Variants in ZNF10 observed in about 807,000 individuals in gnomAD.
ZNF10 encodes the protein zinc finger protein 10.
In ZNF10, 8 loss-of-function variants were observed where a neutral mutation model predicts 12.2. The ratio of observed to expected loss-of-function variants is 0.66; its 90% CI spans 0.39 to 1.18. The LOEUF is 1.18. ZNF10 is among the 50% of genes most tolerant of loss of function. The pLI is 0.01. For synonymous variants in ZNF10, 229 were observed against 228.2 expected, an observed-to-expected ratio of 1.00 and a Z score of -0.03; for missense variants, 603 against 678.9, an observed-to-expected ratio of 0.89 and a Z score of 1.24.
At chr12:133,140,861 C>T (rs1392273372) in intron 1 of ZNF10, among the ~76,000 whole-genome samples, 3 of 152,124 alleles carry the variant, frequency 2.0e-5, no homozygotes, top group African/African-American at 7.2e-5. Flanking sequence ...AATATGGCTT[C>T]TGTAAGAGAG....
intron 4 of ZNF10, 48 bp downstream of exon 4, chr12:133,151,952 T>C (rs1275770121): frequency 6.7e-7 from 1 of 1,489,634 alleles, no homozygotes. Context: ...AGATGGGCTG[T>C]GAGGTGCCAG....
chr12:133,140,146 T>C (rs1346315776), intron 1 of ZNF10, among the ~76,000 whole-genome samples: 1 of 137,874 alleles, frequency 7.3e-6, no homozygotes, highest in African/African-American at 2.7e-5. Flanking sequence ...AAGACTGCAG[T>C]GAGCTGTGTT....
intron 2 of ZNF10, among the ~76,000 whole-genome samples, chr12:133,145,349 T>C (rs1388382421): frequency 1.3e-5 from 2 of 152,224 alleles, no homozygotes; most frequent in Non-Finnish European, 2.9e-5. Context: ...CTTCTTGGCA[T>C]GTCTGTACAT....
chr12:133,151,991 T>C, intron 4 of ZNF10, 87 bp downstream of exon 4: 1 of 983,230 alleles, frequency 1.0e-6, no homozygotes, highest in Non-Finnish European at 1.6e-6. Flanking sequence ...TCACTGGCCC[T>C]CCTCACAGGC....
intron 2 of ZNF10, 90 bp downstream of exon 2, chr12:133,144,615 C>T: frequency 1.5e-6 from 2 of 1,290,682 alleles, no homozygotes; most frequent in South Asian, 1.3e-5. Context: ...ATATCTTCTT[C>T]TCCAGCAGAC....
At chr12:133,153,594 G>C (rs1005433125) in intron 4 of ZNF10, among the ~76,000 whole-genome samples, 2 of 152,094 alleles carry the variant, frequency 1.3e-5, no homozygotes, top group Non-Finnish European at 2.9e-5. Flanking sequence ...AAATCATCAG[G>C]ATGGGGAAGA....
chr12:133,144,509 TA>T lies in ZNF10; in HGVS notation c.19del (p.Thr7LeufsTer8). The stretch of plus-strand genomic sequence containing the variant: ...AAGGAGGGCATGGATGCTAAGTCAC[TA>T]ACTGCCTGGTCCCGGGTAAGCTGGG... MDAKS[L>X]TAWSRTLVTF... On this transcript the variant is annotated frameshift_variant, in exon 2 of 5. Coordinates refer to ENST00000248211, the MANE Select transcript of ZNF10 (RefSeq NM_015394.5). LOFTEE classifies it high-confidence loss of function. 1 of 1,614,010 alleles carries T rather than the reference TA, an allele frequency of 6.2e-7. No homozygotes were observed. Among genetic ancestry groups the T allele is most frequent in the Non-Finnish European group, 8.5e-7 (1 of 1,179,938 alleles).
chr12:133,151,715 G>T (rs1956008725), intron 3 of ZNF10, 94 bp from the exon 4 acceptor site: 9 of 841,014 alleles, frequency 1.1e-5, no homozygotes, highest in Non-Finnish European at 1.8e-5. Context: ...TCCTGCAGAG[G>T]GTTGGTGGTC....
rs536249294 is a variant in ZNF10, at chr12:133,156,208, A to G, written c.962A>G (p.Tyr321Cys). The G allele has an allele frequency of 4.0e-5, 64 of 1,613,944 alleles. No homozygotes were observed. Among genetic ancestry groups the G allele is most frequent in the African/African-American group, 6.7e-5 (5 of 74,906 alleles). ...AAGACCCATACTGGTGAGGAACCCT[A>G]TGAATGTAAAGAATGTGGAAAATCC... ...HQKTHTGEEP[Y>C]ECKECGKSFS... Residue 321 changes from tyrosine (Y) to cysteine (C), a missense_variant, in exon 5 of 5, where the codon TAT (tyrosine) becomes TGT (cysteine). Transcript: ENST00000248211.
rs982909097 is a variant in ZNF10, at chr12:133,157,624, A to G, written c.*656A>G. 6.6e-6 allele frequency: 1 copy of G among 152,230 alleles called. No homozygotes were observed. Among genetic ancestry groups the G allele is most frequent in the African/African-American group, 2.4e-5 (1 of 41,460 alleles). 9.4% of individuals were successfully genotyped at this position (152,230 alleles called of 1,614,324 possible). A position where few individuals can be genotyped will look rare whatever the true frequency, so the allele number is the denominator to read the frequency against. ...CAGAATTGATTTGTTAGATAAGGAG[A>G]TTTTGACTGAGTTTTATAGTCTGTT... On this transcript the variant is annotated 3_prime_UTR_variant, in exon 5 of 5. Transcript: ENST00000248211.
chr12:133,144,838 C>A, intron 2 of ZNF10: 1 of 484,506 alleles, frequency 2.1e-6, no homozygotes, highest in Non-Finnish European at 4.0e-6. Flanking sequence ...AAGATCAACT[C>A]ATGCTGACCA....
intron 1 of ZNF10, among the ~76,000 whole-genome samples, chr12:133,140,652 G>A (rs1955940156): frequency 6.6e-6 from 1 of 151,756 alleles, no homozygotes; most frequent in South Asian, 2.1e-4. Flanking sequence ...GGAAGCAGAA[G>A]TTTATAAACA....
In ZNF10 at chr12:133,158,373, G is replaced by C. The variant is rs991258296; in HGVS notation, c.*1405G>C. On this transcript the variant is annotated 3_prime_UTR_variant, in exon 5 of 5. Transcript: ENST00000248211. Reference sequence around the variant, plus strand: ...TCTCACTTCCCTTACAGTCATACATGGTTTTTCCCTTTTGCCTAAATCAGA... The same window carrying C: ...TCTCACTTCCCTTACAGTCATACATCGTTTTTCCCTTTTGCCTAAATCAGA... 2.6e-5 allele frequency: 4 copies of C among 152,154 alleles called. No individual in the cohort carries two copies. The highest frequency in any genetic ancestry group is 9.7e-5 in the African/African-American group (4 of 41,436). The allele number at this position is 152,154 out of a possible 1,614,324, so 9.4% of individuals were successfully genotyped here. A position where few individuals can be genotyped will look rare whatever the true frequency, so the allele number is the denominator to read the frequency against.
intron 1 of ZNF10, chr12:133,139,188 T>G (rs538899936): frequency 6.6e-6 from 1 of 152,364 alleles, no homozygotes; most frequent in East Asian, 1.9e-4. Flanking sequence ...CATTGTTGCT[T>G]CTTCTTTCAG....
At position 133,157,465 on chromosome 12, in the gene ZNF10, A is replaced by G. The variant is rs1956049434; in HGVS notation, c.*497A>G. 6.6e-6 allele frequency: 1 copy of G among 152,330 alleles called. No homozygotes were observed. The highest frequency in any genetic ancestry group is 6.5e-5 in the Admixed American group (1 of 15,274). 9.4% of individuals were successfully genotyped at this position (152,330 alleles called of 1,614,324 possible). On this transcript the variant is annotated 3_prime_UTR_variant, in exon 5 of 5. Coordinates refer to ENST00000248211, the MANE Select transcript of ZNF10 (RefSeq NM_015394.5). Reference sequence around the variant, plus strand: ...ATGTTTTATGTGTCTGGTAGAAACCATATTTTGGTTAACAGCAAGAAAAAT... The same window carrying G: ...ATGTTTTATGTGTCTGGTAGAAACCGTATTTTGGTTAACAGCAAGAAAAAT...
At chr12:133,147,740 C>G (rs560076300) in intron 2 of ZNF10, among the ~76,000 whole-genome samples, 3 of 151,600 alleles carry the variant, frequency 2.0e-5, no homozygotes, top group African/African-American at 2.4e-5. Context: ...CTTAGCCTCC[C>G]GAGTAGCTGG....
At position 133,155,523 on chromosome 12, in the gene ZNF10, A is replaced by T; in HGVS notation, c.277A>T (p.Ile93Phe). 6.3e-7 allele frequency: 1 copy of T among 1,590,050 alleles called. No homozygotes were observed. The highest frequency in any genetic ancestry group is 8.5e-7 in the Non-Finnish European group (1 of 1,172,262). ...TTCAGATTCAGAGACTGCATTTGAA[A>T]TCAAATCATCAGTTTCCAGCAGGAG... ...THPDSETAFE[I>F]KSSVSSRSIF... The change falls in exon 5 of 5, where the codon ATC (isoleucine) becomes TTC (phenylalanine). Residue 93 changes from isoleucine to phenylalanine, a missense_variant. Ile to Phe is a conservative substitution (Grantham distance 21). Coordinates refer to ENST00000248211, the MANE Select transcript of ZNF10 (RefSeq NM_015394.5).
In ZNF10 at chr12:133,137,163, C is replaced by T. The variant is rs192999092; in HGVS notation, c.-60+6409C>T. On this transcript the variant is annotated intron_variant, in intron 1 of 4. Transcript: ENST00000248211. The stretch of plus-strand genomic sequence containing the variant: ...TCTACCTGCTCTCCATTTCTACCAT[C>T]ATGGCCCTAATTTGTGTTCCCAAAT... 4.6e-5 allele frequency among the ~76,000 whole-genome samples: 7 copies of T among 152,330 alleles called. No homozygotes were observed. In the East Asian group the frequency reaches 1.3e-3, roughly 29 times the overall value.
chr12:133,135,118 G>A (rs1005724867), intron 1 of ZNF10, among the ~76,000 whole-genome samples: 3 of 152,146 alleles, frequency 2.0e-5, no homozygotes, highest in Non-Finnish European at 2.9e-5. Flanking sequence ...AGCTTCTCAG[G>A]TAGGGGACGC....
Sources: allele counts gnomAD v4.1 joint callset (sites outside exome capture counted in the v4.1 genomes callset), GRCh38; gene constraint gnomAD v4.1.1; transcripts MANE v1.5; gene names NCBI Gene and HGNC (gene_info 2026-07-23, HGNC 2026-07-21).